Variants in MLKL observed in about 807,000 individuals in gnomAD.
MLKL encodes the protein mixed lineage kinase domain-like protein.
In MLKL, 55 loss-of-function variants were observed where a neutral mutation model predicts 56.5. The observed-to-expected ratio is 0.97, with a 90% CI of 0.78 to 1.22. The LOEUF (loss-of-function observed/expected upper bound fraction) is 1.22, where lower values mean the gene tolerates loss of function less well. Among genes scored for constraint, MLKL ranks in the 50% most tolerant of loss-of-function variants. The pLI is 0.00. For missense variants in MLKL, 694 were observed against 573.9 expected (o/e 1.21, Z -2.14); for synonymous variants, 251 against 208.3 (o/e 1.20, Z -1.76).
In MLKL at chr16:74,695,416, C is replaced by A. The variant is rs202137638; in HGVS notation, c.342G>T (p.Leu114=). Residue 114 remains leucine, a synonymous_variant, in exon 2 of 11, where the codon CTG becomes CTT. Transcript: ENST00000308807. The part of the protein sequence containing the change: ...KLSDVWKELS[L]LLQVEQRMPV... ...GCATGCGTTGCTCAACCTGAAGTAACAGCGAGAGCTCCTTCCAGACATCAC... is the reference window on the plus strand; with the variant it reads ...GCATGCGTTGCTCAACCTGAAGTAAAAGCGAGAGCTCCTTCCAGACATCAC... 6.2e-7 allele frequency: 1 copy of A among 1,614,258 alleles called. No individual in the cohort carries two copies. Among genetic ancestry groups the A allele is most frequent in the African/African-American group, 1.3e-5 (1 of 75,062 alleles).
Position 74,691,343 on chromosome 16 carries a change from T to A in MLKL, c.656A>T (p.Lys219Ile), listed in dbSNP as rs777056620. The change falls in exon 4 of 11, where the codon AAA becomes ATA. Residue 219 changes from lysine to isoleucine, a missense_variant. Transcript: ENST00000308807. ...CACTGGAGCTCTGTGGTATTCTCCTTTATAAAGTGTGCTGACTTCATTTTC... is the reference window on the plus strand; with the variant it reads ...CACTGGAGCTCTGTGGTATTCTCCTATATAAAGTGTGCTGACTTCATTTTC... ...LRENEVSTLYKGEYHRAPVAI... is the reference protein window; with the variant it reads ...LRENEVSTLYIGEYHRAPVAI... 1 of 1,614,022 alleles carries A rather than the reference T, an allele frequency of 6.2e-7. No individual in the cohort carries two copies. Among genetic ancestry groups the A allele is most frequent in the Non-Finnish European group, 8.5e-7 (1 of 1,179,978 alleles).
intron 4 of MLKL, among the ~76,000 whole-genome samples, chr16:74,689,912 T>C (rs912923292): frequency 3.3e-5 from 5 of 152,026 alleles, no homozygotes; most frequent in Admixed American, 2.6e-4. Context: ...AACCTAAATA[T>C]AAAAAATAAA....
chr16:74,677,780 G>C (rs1488797285), intron 7 of MLKL: 1 of 152,292 alleles, frequency 6.6e-6, no homozygotes, highest in East Asian at 1.9e-4. Flanking sequence ...CCGGGTTCAA[G>C]TGATTCTCCT....
chr16:74,672,589 A>C, intron 10 of MLKL, 51 bp from the exon 11 acceptor site: 1 of 1,528,680 alleles, frequency 6.5e-7, no homozygotes. Flanking sequence ...CTGAGAGCCA[A>C]GTTAGAAACA....
At chr16:74,686,104 T>C (rs924554406) in intron 4 of MLKL, among the ~76,000 whole-genome samples, 17 of 152,058 alleles carry the variant, frequency 1.1e-4, no homozygotes, top group African/African-American at 4.1e-4. Context: ...GAACTACAGG[T>C]GCGTGCCACC....
At chr16:74,689,022 G>A (rs753763570) in intron 4 of MLKL, among the ~76,000 whole-genome samples, 1 of 152,068 alleles carries the variant, frequency 6.6e-6, no homozygotes, top group Non-Finnish European at 1.5e-5. Context: ...AGGTAGGACT[G>A]TTGCCTGGGC....
At chr16:74,693,894 C>T (rs1025171833) in intron 2 of MLKL, among the ~76,000 whole-genome samples, 2 of 152,050 alleles carry the variant, frequency 1.3e-5, no homozygotes, top group East Asian at 3.9e-4. Flanking sequence ...TGAGCCACCC[C>T]GCCTGGCCGA....
intron 1 of MLKL, among the ~76,000 whole-genome samples, chr16:74,696,316 T>C (rs921134451): frequency 1.4e-4 from 21 of 152,186 alleles, no homozygotes; most frequent in African/African-American, 3.9e-4. Flanking sequence ...ATTACAGATA[T>C]ATCCTGCTAA....
intron 1 of MLKL, among the ~76,000 whole-genome samples, chr16:74,696,753 T>C (rs1961066606): frequency 6.6e-6 from 1 of 150,628 alleles, no homozygotes; most frequent in African/African-American, 2.4e-5. Context: ...AGGTCAGGAG[T>C]TGGAAACCAG....
intron 4 of MLKL, among the ~76,000 whole-genome samples, chr16:74,688,175 G>A (rs1344298276): frequency 6.6e-6 from 1 of 151,598 alleles, no homozygotes; most frequent in East Asian, 2.0e-4. Context: ...TCGCCATGTT[G>A]GCTAGGCTGG....
chr16:74,682,801 C>G lies in MLKL; in HGVS notation c.821-15G>C, dbSNP rs1960072691. On this transcript the variant is annotated splice_polypyrimidine_tract_variant and intron_variant, in intron 5 of 10. Coordinates refer to ENST00000308807, the MANE Select transcript of MLKL (RefSeq NM_152649.4). ...AGGCGGAGTCACTGGTGGAAAGGAG[C>G]CAGACACTATGAGGACCCGCCCTAC... 2 of 1,613,514 alleles carry G rather than the reference C, an allele frequency of 1.2e-6. No homozygotes were observed. Among genetic ancestry groups the G allele is most frequent in the Non-Finnish European group, 1.7e-6 (2 of 1,179,820 alleles).
In MLKL at chr16:74,691,302, T is replaced by G; in HGVS notation, c.697A>C (p.Lys233Gln). Reference protein sequence around the residue: ...HRAPVAIKVFKKLQAGSIAIV... With the variant: ...HRAPVAIKVFQKLQAGSIAIV... ...GCAATGCTGCCAGCCTGGAGTTTTT[T>G]GAATACTTTTATGGCCACTGGAGCT... Residue 233 changes from lysine to glutamine, a missense_variant, in exon 4 of 11, where the codon AAA becomes CAA. By Grantham distance (53) the Lys-to-Gln change is moderately conservative. Coordinates refer to ENST00000308807, the MANE Select transcript of MLKL (RefSeq NM_152649.4). 1 of 1,611,548 alleles carries G rather than the reference T, an allele frequency of 6.2e-7. No individual in the cohort carries two copies. The highest frequency in any genetic ancestry group is 8.5e-7 in the Non-Finnish European group (1 of 1,179,364).
At chr16:74,678,800 A>C in intron 7 of MLKL, 99 bp downstream of exon 7, 1 of 856,328 alleles carries the variant, frequency 1.2e-6, no homozygotes, top group Non-Finnish European at 1.9e-6. Context: ...TAAATAAATA[A>C]ACTAAGACAA....
intron 9 of MLKL, 125 bp from the exon 10 acceptor site, chr16:74,675,225 C>G (rs1959513555): frequency 6.4e-7 from 1 of 1,553,664 alleles, no homozygotes; most frequent in Non-Finnish European, 8.8e-7. Flanking sequence ...TCCAACGATT[C>G]CACTGACCAG....
intron 4 of MLKL, among the ~76,000 whole-genome samples, chr16:74,686,609 T>C (rs140432276): frequency 6.6e-6 from 1 of 152,266 alleles, no homozygotes; most frequent in Non-Finnish European, 1.5e-5. Flanking sequence ...AAGATATTTA[T>C]TAAGTGAAAT....
chr16:74,675,500 A>G, intron 8 of MLKL, 96 bp from the exon 9 acceptor site: 1 of 1,570,350 alleles, frequency 6.4e-7, no homozygotes, highest in Non-Finnish European at 8.7e-7. Context: ...TTTTTTGATT[A>G]CTACCCAATT....
In MLKL at chr16:74,682,731, C is replaced by A; in HGVS notation, c.876G>T (p.Arg292Ser). The A allele has an allele frequency of 1.2e-6, 2 of 1,614,098 alleles. No individual in the cohort carries two copies. Among genetic ancestry groups the A allele is most frequent in the Non-Finnish European group, 1.7e-6 (2 of 1,180,016 alleles). Residue 292 changes from arginine to serine, a missense_variant, in exon 6 of 11, where the codon AGG becomes AGT. Physicochemically the swap from Arg to Ser is moderately radical, Grantham distance 110. Transcript: ENST00000308807. ...GGTCTTTTTCCCTATCCAACAGCTC[C>A]CTCAGGGTCCCGAGTTCACAGTACT... ...VMEYCELGTL[R>S]ELLDREKDLT...
intron 10 of MLKL, 128 bp downstream of exon 10, chr16:74,674,832 A>G (rs1027466671): frequency 8.8e-7 from 1 of 1,137,098 alleles, no homozygotes; most frequent in African/African-American, 1.6e-5. Flanking sequence ...TTCAGACATC[A>G]CTAAATGTTC....
At chr16:74,686,314 G>A (rs1441443745) in intron 4 of MLKL, among the ~76,000 whole-genome samples, 1 of 152,166 alleles carries the variant, frequency 6.6e-6, no homozygotes, top group Non-Finnish European at 1.5e-5. Flanking sequence ...CGGGCGTGGT[G>A]GCTCATGCCT....
Sources: allele counts gnomAD v4.1 joint callset (sites outside exome capture counted in the v4.1 genomes callset), GRCh38; gene constraint gnomAD v4.1.1; transcripts MANE v1.5; gene names NCBI Gene and HGNC (gene_info 2026-07-23, HGNC 2026-07-21).